Variants in ZBTB44 observed in about 807,000 individuals in gnomAD.
ZBTB44 encodes the protein zinc finger and BTB domain containing 44.
ZBTB44 carries 15 observed loss-of-function variants against 54.0 expected under a neutral mutation model. That is an observed-to-expected ratio of 0.28 (90% CI 0.19 to 0.43). ZBTB44 has a LOEUF of 0.43. Among genes scored for constraint, ZBTB44 ranks in the 20% least tolerant of loss-of-function variants. The pLI is 1.00. For missense variants in ZBTB44, 487 were observed against 707.1 expected, an observed-to-expected ratio of 0.69 and a Z score of 3.53; for synonymous variants, 230 against 250.1, an observed-to-expected ratio of 0.92 and a Z score of 0.76.
At position 130,233,316 on chromosome 11, in the gene ZBTB44, C is replaced by T. The variant is rs1204004422; in HGVS notation, c.*40G>A. 1.3e-6 allele frequency: 2 copies of T among 1,530,212 alleles called. No homozygotes were observed. Among genetic ancestry groups the T allele is most frequent in the African/African-American group, 2.7e-5 (2 of 72,818 alleles). 94.8% of individuals were successfully genotyped at this position (1,530,212 alleles called of 1,614,324 possible). A position where few individuals can be genotyped will look rare whatever the true frequency, so the allele number is the denominator to read the frequency against. ...AGCTGGGATTTACATACTTCATTCT[C>T]CGTTCCTGGTCATTTCATCCACAGC... On this transcript the variant is annotated 3_prime_UTR_variant, in exon 7 of 8. Transcript: ENST00000357899.
intron 2 of ZBTB44, among the ~76,000 whole-genome samples, chr11:130,246,941 T>C (rs1174002126): frequency 2.0e-5 from 3 of 152,234 alleles, no homozygotes; most frequent in Admixed American, 1.3e-4. Flanking sequence ...CATCTCTCGC[T>C]GGCTAATGAG....
At chr11:130,244,924 T>A (rs1954578224) in intron 2 of ZBTB44, among the ~76,000 whole-genome samples, 2 of 152,210 alleles carry the variant, frequency 1.3e-5, no homozygotes, top group Admixed American at 6.5e-5. Flanking sequence ...CCAAACTTTA[T>A]TTAATCACTT....
chr11:130,277,522 A>T (rs949944037), intron 1 of ZBTB44, among the ~76,000 whole-genome samples: 1 of 150,112 alleles, frequency 6.7e-6, no homozygotes, highest in Non-Finnish European at 1.5e-5. Context: ...GCTCCTACCC[A>T]CTTATTTTTG....
chr11:130,276,713 G>A (rs1250336160), intron 1 of ZBTB44, among the ~76,000 whole-genome samples: 3 of 152,134 alleles, frequency 2.0e-5, no homozygotes, highest in African/African-American at 7.2e-5. Context: ...ACAGGTGTTA[G>A]CCACTGTGCC....
At chr11:130,288,301 G>T (rs1176821837) in intron 1 of ZBTB44, among the ~76,000 whole-genome samples, 3 of 152,068 alleles carry the variant, frequency 2.0e-5, no homozygotes, top group African/African-American at 7.2e-5. Context: ...TTGAACCCAG[G>T]AGGTAGAGGT....
chr11:130,288,374 G>A (rs929967048), intron 1 of ZBTB44, among the ~76,000 whole-genome samples: 6 of 150,596 alleles, frequency 4.0e-5, no homozygotes, highest in East Asian at 1.9e-4. Context: ...ACTCTGTCTC[G>A]GGAAAAAAAT....
chr11:130,262,728 G>A (rs909946324), intron 1 of ZBTB44, among the ~76,000 whole-genome samples: 1 of 151,822 alleles, frequency 6.6e-6, no homozygotes, highest in Admixed American at 6.6e-5. Flanking sequence ...AAGAAAAAAA[G>A]GAAGTGGAAA....
At chr11:130,257,238 T>TAAAAAAAA (rs572669481) in intron 2 of ZBTB44, among the ~76,000 whole-genome samples, 3 of 109,340 alleles carry the variant, frequency 2.7e-5, no homozygotes, top group Non-Finnish European at 3.9e-5. Context: ...TCCCAGATCT[T>TAAAAAAAA]AAAAAAAAAA....
intron 1 of ZBTB44, among the ~76,000 whole-genome samples, chr11:130,263,126 T>C (rs1439254683): frequency 6.6e-6 from 1 of 152,222 alleles, no homozygotes; most frequent in Non-Finnish European, 1.5e-5. Flanking sequence ...GACTGTTCCA[T>C]GTCAGACTTC....
chr11:130,313,959 TATATA>T (rs756001198), intron 1 of ZBTB44, among the ~76,000 whole-genome samples: 1 of 149,002 alleles, frequency 6.7e-6, no homozygotes, highest in African/African-American at 2.6e-5. Flanking sequence ...TATATATATA[TATATA>T]TATTTTTTTA....
chr11:130,261,307 A>G lies in ZBTB44; in HGVS notation c.567T>C (p.Val189=), dbSNP rs1938847716. 6 of 1,613,876 alleles carry G rather than the reference A, an allele frequency of 3.7e-6. No homozygotes were observed. The highest frequency in any genetic ancestry group is 1.6e-4 in the Middle Eastern group (1 of 6,062). The change falls in exon 2 of 8, where the codon GTT becomes GTC. Residue 189 remains valine, a synonymous_variant. Transcript: ENST00000357899. The surrounding 1 kb of genome is among the most constrained non-coding windows in gnomAD (Gnocchi z 4.8). The stretch of plus-strand genomic sequence containing the variant: ...ACTTTACAGGACTTTCAGGAGACAT[A>G]ACAATGTAGCTTTTGCGCTTTCTCC... ...ESRRKRKSYI[V]MSPESPVKCG...
chr11:130,250,373 A>G (rs1937902657), intron 2 of ZBTB44, among the ~76,000 whole-genome samples: 1 of 152,172 alleles, frequency 6.6e-6, no homozygotes, highest in South Asian at 2.1e-4. Context: ...GCAGGTTCTG[A>G]AGAGAGCAGC....
At chr11:130,236,306 A>C in intron 5 of ZBTB44, 1 of 1,209,722 alleles carries the variant, frequency 8.3e-7, no homozygotes, top group Non-Finnish European at 1.1e-6. Flanking sequence ...TTCATGATCT[A>C]AACCATCACA....
chr11:130,288,236 T>C (rs1414492462), intron 1 of ZBTB44, among the ~76,000 whole-genome samples: 1 of 151,636 alleles, frequency 6.6e-6, no homozygotes, highest in African/African-American at 2.4e-5. Context: ...TAGCCGGGTG[T>C]GGTGGCGCAC....
At chr11:130,245,896 G>A (rs1954621960) in intron 2 of ZBTB44, among the ~76,000 whole-genome samples, 1 of 152,216 alleles carries the variant, frequency 6.6e-6, no homozygotes. Flanking sequence ...CTAAAATGCA[G>A]TACAAGATAC....
intron 1 of ZBTB44, among the ~76,000 whole-genome samples, chr11:130,271,739 T>C (rs568943667): frequency 6.6e-6 from 1 of 152,144 alleles, no homozygotes; most frequent in South Asian, 2.1e-4. Flanking sequence ...TGGACACGAG[T>C]TGTTTCCAGT....
At chr11:130,313,938 TTGTG>T (rs202106090) in intron 1 of ZBTB44, among the ~76,000 whole-genome samples, 1 of 98,522 alleles carries the variant, frequency 1.0e-5, no homozygotes, top group African/African-American at 3.4e-5. Context: ...GTGTGTGTGT[TTGTG>T]TGTGTGTATA....
chr11:130,298,270 A>G (rs1555051593), intron 1 of ZBTB44, among the ~76,000 whole-genome samples: 1 of 151,848 alleles, frequency 6.6e-6, no homozygotes, highest in Non-Finnish European at 1.5e-5. Flanking sequence ...AGCTTCCTGA[A>G]TAGCTGGGAC....
chr11:130,285,356 A>ATC (rs1940882750), intron 1 of ZBTB44: 1 of 150,038 alleles, frequency 6.7e-6, no homozygotes, highest in African/African-American at 2.5e-5. Context: ...CCGTGGCACA[A>ATC]TCTCGGCTCA....
Sources: allele counts gnomAD v4.1 joint callset (sites outside exome capture counted in the v4.1 genomes callset), GRCh38; gene constraint gnomAD v4.1.1; non-coding constraint Gnocchi (gnomAD v3.1); transcripts MANE v1.5; gene names NCBI Gene and HGNC (gene_info 2026-07-23, HGNC 2026-07-21).